The following MFHAS1 variants were observed in gnomAD, a reference collection of about 807,000 sequenced individuals.
MFHAS1 encodes malignant fibrous histiocytoma-amplified sequence 1.
Under a neutral mutation model 70.4 loss-of-function variants are expected in MFHAS1, and 50 were observed. The ratio of observed to expected loss-of-function variants is 0.71; its 90% CI spans 0.57 to 0.90. The LOEUF is 0.90. Ranked by LOEUF, MFHAS1 falls within the 40% of genes least tolerant of loss-of-function variation. The pLI is 0.00. For synonymous variants in MFHAS1, 952 were observed against 620.0 expected (o/e 1.54, Z -7.96); for missense variants, 1,795 against 1,347.6 (o/e 1.33, Z -5.20).
rs1490472700 is a variant in MFHAS1, at chr8:8,891,385, G to A, written c.1674C>T (p.Ile558=). 46 of 1,611,764 alleles carry A rather than the reference G, an allele frequency of 2.9e-5. No individual in the cohort carries two copies. The highest frequency in any genetic ancestry group is 3.7e-5 in the Non-Finnish European group (44 of 1,180,040). ...CCGCGTCGTGCTTCTCCTGCAGGGC[G>A]ATCTGGCGGTGAATGTCCAGACATT... ...EEKCLDIHRQ[I]ALQEKHDAEG... Residue 558 remains isoleucine (I), a synonymous_variant, in exon 1 of 3, where the codon ATC becomes ATT. Transcript: ENST00000276282. This position sits in a 1 kb window ranked among gnomAD's most constrained non-coding sequence, Gnocchi z 5.4.
Position 8,829,188 on chromosome 8 carries a change from C to T in MFHAS1, c.2999-31697G>A, listed in dbSNP as rs111739505. ...CCTCTGCTAAGCTCTTCTCTGGGTG[C>T]GGAGCGCCCTCCCAGAACCCCTTCC... On this transcript the variant is annotated intron_variant, in intron 1 of 2. Transcript: ENST00000276282. Among the ~76,000 whole-genome samples, 1,342 of 151,942 alleles carry T rather than the reference C, an allele frequency of 8.8e-3. 29 individuals are homozygous for T. Among genetic ancestry groups the T allele is most frequent in the African/African-American group, 0.031 (1,284 of 41,262 alleles).
intron 2 of MFHAS1, among the ~76,000 whole-genome samples, chr8:8,791,688 C>T (rs1315014815): frequency 6.6e-6 from 1 of 152,172 alleles, no homozygotes; most frequent in African/African-American, 2.4e-5. Flanking sequence ...ATAATGCGGT[C>T]TACTTGCTTC....
intron 1 of MFHAS1, among the ~76,000 whole-genome samples, chr8:8,804,504 G>A (rs944864286): frequency 1.3e-5 from 2 of 152,300 alleles, no homozygotes; most frequent in South Asian, 2.1e-4. Flanking sequence ...GAGTACAATC[G>A]GTAGGGTAAA....
chr8:8,889,064 A>T (rs1809885130), intron 1 of MFHAS1, among the ~76,000 whole-genome samples: 1 of 151,590 alleles, frequency 6.6e-6, no homozygotes, highest in Non-Finnish European at 1.5e-5. Context: ...CCAGACAACT[A>T]GTCCTGGAAT....
rs1477382265 is a variant in MFHAS1 at position 8,890,786 on chromosome 8, C to A, written c.2273G>T (p.Gly758Val). ...GCTTTCCCCCTCCGCCTTGCCCTCT[C>A]CACTGGTCCCTAGGAGCAGCTTATG... ...LLHKLLLGTSGEGKAEGESSP... is the reference protein window; with the variant it reads ...LLHKLLLGTSVEGKAEGESSP... Residue 758 changes from glycine to valine, a missense_variant, in exon 1 of 3, where the codon GGA (glycine) becomes GTA (valine). By Grantham distance (109) the Gly-to-Val change is moderately radical. Transcript: ENST00000276282. 14 of 1,614,026 alleles carry A rather than the reference C, an allele frequency of 8.7e-6. No homozygotes were observed. The highest frequency in any genetic ancestry group is 1.1e-5 in the Non-Finnish European group (13 of 1,180,026).
chr8:8,882,918 C>G (rs1809583759), intron 1 of MFHAS1, among the ~76,000 whole-genome samples: 1 of 152,088 alleles, frequency 6.6e-6, no homozygotes, highest in Admixed American at 6.5e-5. Flanking sequence ...TTTGGGAGGC[C>G]GAGGAGGGAG....
At chr8:8,880,748 A>AGGTTGGAGTATAGCGGCGCG (rs1563218338) in intron 1 of MFHAS1, among the ~76,000 whole-genome samples, 1 of 150,212 alleles carries the variant, frequency 6.7e-6, no homozygotes. Context: ...ATAGCGGCGC[A>AGGTTGGAGTATAGCGGCGCG]ATCTCAGCTC....
Position 8,892,238 on chromosome 8 carries a change from C to T in MFHAS1, c.821G>A (p.Arg274Gln). Residue 274 changes from arginine to glutamine, a missense_variant, in exon 1 of 3, where the codon CGG becomes CAG. Transcript: ENST00000276282. The surrounding 1 kb of genome is among the most constrained non-coding windows in gnomAD (Gnocchi z 4.7). Reference protein sequence around the residue: ...ALPAQFSCLQRLKMLNLSSNL... With the variant: ...ALPAQFSCLQQLKMLNLSSNL... ...GGAGGAGAGGTTGAGCATTTTGAGC[C>T]GCTGCAGGCAGCTGAACTGGGCGGG... 1.2e-6 allele frequency: 2 copies of T among 1,611,548 alleles called. No individual in the cohort carries two copies. Among genetic ancestry groups the T allele is most frequent in the Non-Finnish European group, 1.7e-6 (2 of 1,180,012 alleles).
intron 1 of MFHAS1, among the ~76,000 whole-genome samples, chr8:8,869,728 G>C (rs1462242498): frequency 9.2e-5 from 14 of 152,144 alleles, no homozygotes; most frequent in Admixed American, 9.2e-4. Flanking sequence ...TCCCGCTGTG[G>C]TTAAAATTTT....
intron 1 of MFHAS1, among the ~76,000 whole-genome samples, chr8:8,818,050 T>G (rs895387484): frequency 1.3e-5 from 2 of 152,186 alleles, no homozygotes; most frequent in African/African-American, 4.8e-5. Context: ...CATTATGGAC[T>G]AAGAACACCA....
intron 1 of MFHAS1, among the ~76,000 whole-genome samples, chr8:8,832,994 T>C (rs557802678): frequency 5.9e-5 from 9 of 152,230 alleles, no homozygotes; most frequent in African/African-American, 1.9e-4. Context: ...CACGGAAGCA[T>C]CTGCTTCTAG....
At chr8:8,795,949 A>G (rs370434730) in intron 2 of MFHAS1, among the ~76,000 whole-genome samples, 111 of 152,324 alleles carry the variant, frequency 7.3e-4, no homozygotes, top group African/African-American at 2.4e-3. Flanking sequence ...TATGAATACT[A>G]TGCTGGAGAA....
intron 1 of MFHAS1, among the ~76,000 whole-genome samples, chr8:8,863,399 T>C (rs1382586593): frequency 6.6e-6 from 1 of 152,230 alleles, no homozygotes; most frequent in Non-Finnish European, 1.5e-5. Context: ...AGTGGCTCCT[T>C]GCACACATGC....
intron 1 of MFHAS1, among the ~76,000 whole-genome samples, chr8:8,837,691 A>C (rs1807649629): frequency 6.6e-6 from 1 of 152,048 alleles, no homozygotes; most frequent in Non-Finnish European, 1.5e-5. Flanking sequence ...ACCACTTATC[A>C]TTAGGAACAT....
chr8:8,824,520 T>TTC (rs762075542), intron 1 of MFHAS1, among the ~76,000 whole-genome samples: 762 of 56,628 alleles, frequency 0.013, 6 homozygotes, highest in Middle Eastern at 0.029. Flanking sequence ...TTCTCTCTCT[T>TTC]TCACACACAC....
rs748875982 is a variant in MFHAS1, at chr8:8,891,384, C to A, written c.1675G>T (p.Ala559Ser). ...EKCLDIHRQIALQEKHDAEGL... is the reference protein window; with the variant it reads ...EKCLDIHRQISLQEKHDAEGL... ...TCCGCGTCGTGCTTCTCCTGCAGGG[C>A]GATCTGGCGGTGAATGTCCAGACAT... Residue 559 changes from alanine (A) to serine (S), a missense_variant, in exon 1 of 3, where the codon GCC becomes TCC. Ala to Ser is a moderately conservative substitution (Grantham distance 99, BLOSUM62 1). Coordinates refer to ENST00000276282, the MANE Select transcript of MFHAS1 (RefSeq NM_004225.3). The surrounding 1 kb of genome is among the most constrained non-coding windows in gnomAD (Gnocchi z 5.4). 6.2e-7 allele frequency: 1 copy of A among 1,611,744 alleles called. No homozygotes were observed. Among genetic ancestry groups the A allele is most frequent in the South Asian group, 1.1e-5 (1 of 91,078 alleles).
At chr8:8,854,692 A>G (rs1337212876) in intron 1 of MFHAS1, among the ~76,000 whole-genome samples, 1 of 152,148 alleles carries the variant, frequency 6.6e-6, no homozygotes, top group Non-Finnish European at 1.5e-5. Flanking sequence ...CTCAAAAAAA[A>G]AAAAAGGAAG....
chr8:8,832,823 C>A (rs1272042369), intron 1 of MFHAS1, among the ~76,000 whole-genome samples: 1 of 151,784 alleles, frequency 6.6e-6, no homozygotes, highest in South Asian at 2.1e-4. Flanking sequence ...TTTGTCGAGG[C>A]GAGGTCTCTT....
At chr8:8,790,126 T>A (rs994094756) in intron 2 of MFHAS1, among the ~76,000 whole-genome samples, 1 of 152,190 alleles carries the variant, frequency 6.6e-6, no homozygotes, top group Non-Finnish European at 1.5e-5. Context: ...TCATAGTAAA[T>A]TAAGCAAAAG....
Sources: gnomAD v4.1 joint callset for allele counts (sites outside exome capture counted in the v4.1 genomes callset) on GRCh38, gnomAD v4.1.1 for gene constraint, Gnocchi (gnomAD v3.1) non-coding constraint, MANE v1.5 for transcripts, NCBI Gene and HGNC (gene_info 2026-07-23, HGNC 2026-07-21) for gene names.